AHNAK2: variants seen among roughly 807,000 people sequenced by gnomAD.
The protein encoded by AHNAK2 is AHNAK nucleoprotein 2, also known as protein AHNAK2.
AHNAK2 carries 18 observed loss-of-function variants against 30.7 expected under a neutral mutation model. That is an observed-to-expected ratio of 0.59 (90% CI 0.41 to 0.87). The LOEUF (loss-of-function observed/expected upper bound fraction) is 0.87. AHNAK2 is among the 40% of genes least tolerant of loss of function. The pLI, the probability that AHNAK2 is intolerant of heterozygous loss-of-function variation, is 0.00. For missense variants in AHNAK2, 8,604 were observed against 7,373.0 expected (o/e 1.17, Z -6.11); for synonymous variants, 3,590 against 3,073.8 (o/e 1.17, Z -5.56).
rs763783194 is a variant in AHNAK2, at chr14:104,941,108, A to G, written c.14343T>C (p.Ser4781=). 4.6e-5 allele frequency: 74 copies of G among 1,613,616 alleles called. No homozygotes were observed. Among genetic ancestry groups the G allele is most frequent in the Non-Finnish European group, 6.3e-5 (74 of 1,179,912 alleles). The change falls in exon 7 of 7, where the codon TCT becomes TCC. Residue 4781 remains serine, a synonymous_variant. Coordinates refer to ENST00000333244, the MANE Select transcript of AHNAK2 (RefSeq NM_138420.4). ...RLDLTGPHFE[S]SILSPCEDVT... ...CATCCTCACAGGGAGAGAGAATAGAAGATTCAAAGTGAGGACCAGTGAGAT... is the reference window on the plus strand; with the variant it reads ...CATCCTCACAGGGAGAGAGAATAGAGGATTCAAAGTGAGGACCAGTGAGAT...
Position 104,945,207 on chromosome 14 carries a change from C to T in AHNAK2, c.10244G>A (p.Gly3415Asp). 1 of 1,613,254 alleles carries T rather than the reference C, an allele frequency of 6.2e-7. No homozygotes were observed. The highest frequency in any genetic ancestry group is 8.5e-7 in the Non-Finnish European group (1 of 1,179,670). Reference sequence around the variant, plus strand: ...GGGGACTTTTAGGTCCAGCTTGGGGCCCTTGATGTCCACCTGGGGGCTCTT... The same window carrying T: ...GGGGACTTTTAGGTCCAGCTTGGGGTCCTTGATGTCCACCTGGGGGCTCTT... ...DLKSPQVDIK[G>D]PKLDLKVPKA... is the part of the protein sequence containing the mutation. Residue 3415 changes from glycine (G) to aspartate (D), a missense_variant, in exon 7 of 7, where the codon GGC (glycine) becomes GAC (aspartate). By Grantham distance (94) the Gly-to-Asp change is moderately conservative. Transcript: ENST00000333244.
chr14:104,945,142 G>A lies in AHNAK2; in HGVS notation c.10309C>T (p.Pro3437Ser), dbSNP rs764277945. 12 of 1,613,158 alleles carry A rather than the reference G, an allele frequency of 7.4e-6. No individual in the cohort carries two copies. The highest frequency in any genetic ancestry group is 1.6e-4 in the Middle Eastern group (1 of 6,082). ...GCCTGGACGTCCACCTCCACGCTGGGCAGAGACACCTCCACATCAGGGACT... is the reference window on the plus strand; with the variant it reads ...GCCTGGACGTCCACCTCCACGCTGGACAGAGACACCTCCACATCAGGGACT... ...VTVPDVEVSL[P>S]SVEVDVQAPR... Residue 3437 changes from proline to serine, a missense_variant, in exon 7 of 7, where the codon CCC (proline) becomes TCC (serine). Coordinates refer to ENST00000333244, the MANE Select transcript of AHNAK2 (RefSeq NM_138420.4).
Position 104,948,335 on chromosome 14 carries a change from G to A in AHNAK2, c.7116C>T (p.Ser2372=), listed in dbSNP as rs370430674. The A allele has an allele frequency of 8.7e-5, 140 of 1,612,640 alleles. No homozygotes were observed. Among genetic ancestry groups the A allele is most frequent in the Middle Eastern group, 8.3e-4 (5 of 6,052 alleles). The change falls in exon 7 of 7, where the codon TCC becomes TCT. Residue 2372 remains serine (S), a synonymous_variant. Transcript: ENST00000333244. ...KTTDLSVQPP[S]ADLEVQAGQV... ...GGCCAGCCTGGACCTCCAGGTCAGC[G>A]GAAGGGGGCTGAACGCTGAGGTCAG...
rs202246282 is a variant in AHNAK2, at chr14:104,950,426, C to G, written c.5025G>C (p.Lys1675Asn). 128 of 1,587,204 alleles carry G rather than the reference C, an allele frequency of 8.1e-5. 7 individuals are homozygous for G. In the African/African-American group the frequency reaches 1.3e-3, roughly 16 times the overall value. ...ACACATCCACCGAGGCCTCGATGGA[C>G]TTGCCTGGGGCCGACACCCCAAATG... ...MPSFGVSAPG[K>N]SIEASVDVSE... Residue 1675 changes from lysine (K) to asparagine (N), a missense_variant, in exon 7 of 7, where the codon AAG (lysine) becomes AAC (asparagine). Transcript: ENST00000333244.
At position 104,945,018 on chromosome 14, in the gene AHNAK2, A is replaced by G. The variant is rs764188883; in HGVS notation, c.10433T>C (p.Phe3478Ser). The change falls in exon 7 of 7, where the codon TTC (phenylalanine) becomes TCC (serine). Residue 3478 changes from phenylalanine (F) to serine (S), a missense_variant. Phe to Ser is a radical substitution (Grantham distance 155). Transcript: ENST00000333244. ...AKDSKFKMPK[F>S]KMPSFGVSAP... ...CGACACCCCGAAGGAGGGCATCTTG[A>G]ACTTGGGCATTTTGAACTTGCTGTC... is the stretch of plus-strand genomic sequence containing the variant. 2.5e-6 allele frequency: 4 copies of G among 1,602,622 alleles called. No homozygotes were observed. The African/African-American group carries it at 4.0e-5, about 16-fold the overall frequency.
rs1459042963 is a variant in AHNAK2, at chr14:104,942,053, G to C, written c.13398C>G (p.Pro4466=). 1.2e-6 allele frequency: 2 copies of C among 1,611,548 alleles called. No individual in the cohort carries two copies. Among genetic ancestry groups the C allele is most frequent in the East Asian group, 2.2e-5 (1 of 44,662 alleles). The change falls in exon 7 of 7, where the codon CCC becomes CCG. Residue 4466 remains proline (P), a synonymous_variant. Coordinates refer to ENST00000333244, the MANE Select transcript of AHNAK2 (RefSeq NM_138420.4). ...VTAKDSKFKM[P]KFKMPSFGML... ...TCCCAAAGGATGGCATCTTGAACTT[G>C]GGCATTTTGAACTTGCTGTCTTTGG...
In AHNAK2 at chr14:104,951,832, T is replaced by C. The variant is rs775727834; in HGVS notation, c.3619A>G (p.Lys1207Glu). Residue 1207 changes from lysine (K) to glutamate (E), a missense_variant, in exon 7 of 7, where the codon AAG becomes GAG. Physicochemically the swap from Lys to Glu is moderately conservative, Grantham distance 56 (BLOSUM62 1). Coordinates refer to ENST00000333244, the MANE Select transcript of AHNAK2 (RefSeq NM_138420.4). ...GGCTGAATGCTGAGGTCAGTGGTCT[T>C]GAGGTCCCCCTGCATGGAGGGGAGA... ...VSLPSMQGDLKTTDLSIQPPS... is the reference protein window; with the variant it reads ...VSLPSMQGDLETTDLSIQPPS... The C allele has an allele frequency of 1.3e-6, 2 of 1,599,406 alleles. No homozygotes were observed. The highest frequency in any genetic ancestry group is 1.7e-6 in the Non-Finnish European group (2 of 1,172,208).
chr14:104,952,041 C>G lies in AHNAK2; in HGVS notation c.3410G>C (p.Gly1137Ala), dbSNP rs745382642. 1 of 1,612,294 alleles carries G rather than the reference C, an allele frequency of 6.2e-7. No individual in the cohort carries two copies. The highest frequency in any genetic ancestry group is 8.5e-7 in the Non-Finnish European group (1 of 1,179,514). The change falls in exon 7 of 7, where the codon GGA becomes GCA. Residue 1137 changes from glycine to alanine, a missense_variant. Transcript: ENST00000333244. ...PSVEVDVEAP[G>A]AKLDSARLEG... Reference sequence around the variant, plus strand: ...CAGCCGCGCACTGTCCAGCTTGGCTCCCGGGGCCTCGACGTCCACCTCCAC... The same window carrying G: ...CAGCCGCGCACTGTCCAGCTTGGCTGCCGGGGCCTCGACGTCCACCTCCAC...
Position 104,943,067 on chromosome 14 carries a change from G to A in AHNAK2, c.12384C>T (p.Ala4128=). The A allele has an allele frequency of 6.2e-7, 1 of 1,612,828 alleles. No homozygotes were observed. Residue 4128 remains alanine, a synonymous_variant, in exon 7 of 7, where the codon GCC becomes GCT. Transcript: ENST00000333244. ...DLSLADKDVT[A]KDSKFKMPKF... The stretch of plus-strand genomic sequence containing the variant: ...TGGGCATTTTGAACTTGCTGTCTTT[G>A]GCAGTCACATCCTTGTCGGCCAGGG...
At position 104,951,004 on chromosome 14, in the gene AHNAK2, C is replaced by A; in HGVS notation, c.4447G>T (p.Asp1483Tyr). The change falls in exon 7 of 7, where the codon GAC becomes TAC. Residue 1483 changes from aspartate to tyrosine, a missense_variant. Coordinates refer to ENST00000333244, the MANE Select transcript of AHNAK2 (RefSeq NM_138420.4). ...GRLEEDMSLA[D>Y]KDLTTKDSKF... ...CTGTCTTTGGTAGTCAAGTCCTTGT[C>A]GGCCAGGGACATGTCCTCCTCCAGC... The A allele has an allele frequency of 9.4e-7, 1 of 1,063,914 alleles. No individual in the cohort carries two copies. The highest frequency in any genetic ancestry group is 1.6e-5 in the South Asian group (1 of 62,340). 65.9% of individuals were successfully genotyped at this position (1,063,914 alleles called of 1,614,324 possible). A position where few individuals can be genotyped will look rare whatever the true frequency, so the allele number is the denominator to read the frequency against.
rs1308849405 is a variant in AHNAK2, at chr14:104,938,872, C to G, written c.16579G>C (p.Glu5527Gln). ...TACACTCTAGCCTGCGTGTGGGGCTCTGGGATTTTCACTTTTAATAAGGAA... is the reference window on the plus strand; with the variant it reads ...TACACTCTAGCCTGCGTGTGGGGCTGTGGGATTTTCACTTTTAATAAGGAA... ...GFSLLKVKIP[E>Q]PHTQARVYTT... Residue 5527 changes from glutamate to glutamine, a missense_variant, in exon 7 of 7, where the codon GAG becomes CAG. Physicochemically the swap from Glu to Gln is conservative, Grantham distance 29. Transcript: ENST00000333244. 6.2e-7 allele frequency: 1 copy of G among 1,613,642 alleles called. No individual in the cohort carries two copies. Among genetic ancestry groups the G allele is most frequent in the African/African-American group, 1.3e-5 (1 of 74,858 alleles).
rs917466115 is a variant in AHNAK2, at chr14:104,964,580, TA to T, written c.56-6909del. Among the ~76,000 whole-genome samples, 149 of 151,282 alleles carry T rather than the reference TA, an allele frequency of 9.8e-4. 1 individual carries two copies. The highest frequency in any genetic ancestry group is 6.8e-3 in the Middle Eastern group (2 of 294). ...ATTCAAATGTCCATCAACAGTAGAA[TA>T]AAAAAAAATGCGAGGTATTTGTCCA... On this transcript the variant is annotated intron_variant, in intron 1 of 6. Transcript: ENST00000333244.
intron 1 of AHNAK2, among the ~76,000 whole-genome samples, chr14:104,964,062 C>G (rs932321650): frequency 2.0e-5 from 3 of 152,046 alleles, no homozygotes; most frequent in Admixed American, 6.6e-5. Flanking sequence ...TTGCCCAAAA[C>G]ACAGATTGGG....
chr14:104,952,836 A>G lies in AHNAK2; in HGVS notation c.2615T>C (p.Met872Thr), dbSNP rs747641090. The G allele has an allele frequency of 3.1e-6, 5 of 1,612,486 alleles. No individual in the cohort carries two copies. The highest frequency in any genetic ancestry group is 3.4e-6 in the Non-Finnish European group (4 of 1,179,500). ...GTCAGTGGCCTTGAGGTCCCCCTGCATGGAGGAGAGGCTCACGTCGGCCTC... is the reference window on the plus strand; with the variant it reads ...GTCAGTGGCCTTGAGGTCCCCCTGCGTGGAGGAGAGGCTCACGTCGGCCTC... The part of the protein sequence containing the change: ...KVEADVSLSS[M>T]QGDLKATDLS... Residue 872 changes from methionine to threonine, a missense_variant, in exon 7 of 7, where the codon ATG (methionine) becomes ACG (threonine). Met to Thr is a moderately conservative substitution (Grantham distance 81). Transcript: ENST00000333244.
intron 1 of AHNAK2, among the ~76,000 whole-genome samples, chr14:104,965,086 C>T (rs1422464489): frequency 6.6e-6 from 1 of 152,172 alleles, no homozygotes; most frequent in Non-Finnish European, 1.5e-5. Flanking sequence ...AGCTCATCAG[C>T]TATCATTAGT....
At chr14:104,960,044 T>C (rs1327485410) in intron 1 of AHNAK2, among the ~76,000 whole-genome samples, 1 of 152,164 alleles carries the variant, frequency 6.6e-6, no homozygotes, top group Non-Finnish European at 1.5e-5. Context: ...AATATGTAAA[T>C]AAATGAGCAA....
chr14:104,961,004 G>C (rs990926284), intron 1 of AHNAK2, among the ~76,000 whole-genome samples: 1 of 151,862 alleles, frequency 6.6e-6, no homozygotes, highest in African/African-American at 2.4e-5. Flanking sequence ...GGTGGTGCAC[G>C]TCTGTAATCC....
rs757941856 is a variant in AHNAK2, at chr14:104,956,708, G to A, written c.214-19C>T. 1 of 1,612,358 alleles carries A rather than the reference G, an allele frequency of 6.2e-7. No homozygotes were observed. Among genetic ancestry groups the A allele is most frequent in the Non-Finnish European group, 8.5e-7 (1 of 1,179,274 alleles). On this transcript the variant is annotated intron_variant, in intron 3 of 6. Coordinates refer to ENST00000333244, the MANE Select transcript of AHNAK2 (RefSeq NM_138420.4). ...CGTCTTCCTGCAGCCACAAGTGTTG[G>A]GAGTTAGGCACCTGCCCCAGCTCAG... is the stretch of plus-strand genomic sequence containing the variant.
rs776690269 is a variant in AHNAK2 at position 104,941,170 on chromosome 14, T to C, written c.14281A>G (p.Lys4761Glu). The C allele has an allele frequency of 1.9e-6, 3 of 1,613,562 alleles. No individual in the cohort carries two copies. Among genetic ancestry groups the C allele is most frequent in the Non-Finnish European group, 2.5e-6 (3 of 1,179,896 alleles). The change falls in exon 7 of 7, where the codon AAG (lysine) becomes GAG (glutamate). Residue 4761 changes from lysine (K) to glutamate (E), a missense_variant. Transcript: ENST00000333244. ...ACSEPSMQMP[K>E]VGFAGFPSSR... is the part of the protein sequence containing the mutation. The stretch of plus-strand genomic sequence containing the variant: ...GATGGAAACCCAGCAAAACCCACCT[T>C]AGGCATCTGCATGGATGGCTCTGAA...
Sources: allele counts gnomAD v4.1 joint callset (sites outside exome capture counted in the v4.1 genomes callset), GRCh38; gene constraint gnomAD v4.1.1; transcripts MANE v1.5; gene names NCBI Gene and HGNC (gene_info 2026-07-23, HGNC 2026-07-21).